The following KREMEN1 variants were observed in gnomAD, a reference collection of about 807,000 sequenced individuals.
The protein encoded by KREMEN1 is kringle containing transmembrane protein 1, also known as kremen protein 1.
A neutral mutation model predicts 46.5 loss-of-function variants in KREMEN1; 30 were observed. The ratio of observed to expected loss-of-function variants is 0.65; its 90% confidence interval spans 0.48 to 0.88. KREMEN1 has a LOEUF of 0.88. Ranked by LOEUF, KREMEN1 falls within the 40% of genes least tolerant of loss-of-function variation. The pLI is 0.00. For synonymous variants in KREMEN1, 214 were observed against 230.6 expected, an observed-to-expected ratio of 0.93 and a Z score of 0.65; for missense variants, 533 against 596.9, an observed-to-expected ratio of 0.89 and a Z score of 1.11.
intron 6 of KREMEN1, 75 bp from the exon 7 acceptor site, chr22:29,138,549 C>T (rs2038705529): frequency 7.1e-7 from 1 of 1,414,180 alleles, no homozygotes; most frequent in Admixed American, 1.7e-5. Flanking sequence ...TTCTTCATAA[C>T]TCGTGCTCTC....
intron 1 of KREMEN1, among the ~76,000 whole-genome samples, chr22:29,085,467 A>C (rs774391872): frequency 2.7e-4 from 41 of 152,292 alleles, no homozygotes; most frequent in Non-Finnish European, 5.0e-4. Flanking sequence ...TACACGTAGA[A>C]AAAAAAACAA....
downstream of KREMEN1, chr22:29,146,904 C>A: frequency 1.7e-6 from 1 of 571,978 alleles, no homozygotes; most frequent in Non-Finnish European, 2.2e-6. Flanking sequence ...GGGATTCCTG[C>A]CTCCCCTTGG....
chr22:29,089,943 A>G (rs980312481), intron 1 of KREMEN1, among the ~76,000 whole-genome samples: 1 of 152,150 alleles, frequency 6.6e-6, no homozygotes, highest in Non-Finnish European at 1.5e-5. Flanking sequence ...ACCCTAGGAG[A>G]GAACCCTCAC....
rs1370577760 is a variant in KREMEN1, at chr22:29,076,308, C to T, written c.97+3081C>T. On this transcript the variant is annotated intron_variant, in intron 1 of 8. Transcript: ENST00000400335. ...GCCCCACTAGCCAGTAGTGTGTTTG[C>T]CCTAAAACCTATGAGTTCAGTTAAC... 2.0e-5 allele frequency among the ~76,000 whole-genome samples: 3 copies of T among 152,280 alleles called. No individual in the cohort carries two copies. In the East Asian group the frequency reaches 5.8e-4, roughly 29 times the overall value.
downstream of KREMEN1, among the ~76,000 whole-genome samples, chr22:29,148,240 A>G (rs999911117): frequency 6.6e-6 from 1 of 152,160 alleles, no homozygotes; most frequent in Non-Finnish European, 1.5e-5. Context: ...GCCCCCCACA[A>G]GGAGCACAGG....
In KREMEN1 at chr22:29,138,724, C is replaced by G. The variant is rs1016322432; in HGVS notation, c.1065C>G (p.Ser355=). 6.2e-7 allele frequency: 1 copy of G among 1,614,234 alleles called. No individual in the cohort carries two copies. Among genetic ancestry groups the G allele is most frequent in the South Asian group, 1.1e-5 (1 of 91,088 alleles). ...ACCTCAGTGTCAGCGCTGCCCGGTC[C>G]TCCAAAGTCCTCTATGTCATCACCA... The part of the protein sequence containing the change: ...QANLSVSAAR[S]SKVLYVITTS... The change falls in exon 7 of 9, where the codon TCC becomes TCG. Residue 355 remains serine, a synonymous_variant. Coordinates refer to ENST00000400335, the MANE Select transcript of KREMEN1 (RefSeq NM_001039570.3).
chr22:29,110,080 G>T (rs2038121667), intron 3 of KREMEN1, among the ~76,000 whole-genome samples: 1 of 152,148 alleles, frequency 6.6e-6, no homozygotes, highest in African/African-American at 2.4e-5. Context: ...GCCATCCCCA[G>T]CCGCAGTGAC....
exon 10 of KREMEN1, chr22:29,167,231 T>C (rs974860280): frequency 2.5e-6 from 2 of 791,502 alleles, no homozygotes; most frequent in South Asian, 1.6e-5. Context: ...TGGTGGTTCA[T>C]GCCTGTAATA....
At position 29,078,899 on chromosome 22, in the gene KREMEN1, G is replaced by T. The variant is rs957683201; in HGVS notation, c.97+5672G>T. The stretch of plus-strand genomic sequence containing the variant: ...TCTGGCCGGCTCACTGGGCAGCCTT[G>T]TCATTGGTGAGAATGATGACTGACA... On this transcript the variant is annotated intron_variant, in intron 1 of 8. Coordinates refer to ENST00000400335, the MANE Select transcript of KREMEN1 (RefSeq NM_001039570.3). Among the ~76,000 whole-genome samples the T allele has an allele frequency of 4.6e-5, 7 of 152,240 alleles. 1 individual carries two copies. The highest frequency in any genetic ancestry group is 2.0e-4 in the Admixed American group (3 of 15,284).
chr22:29,122,190 G>A (rs1449037992), intron 4 of KREMEN1, among the ~76,000 whole-genome samples: 1 of 152,034 alleles, frequency 6.6e-6, no homozygotes, highest in African/African-American at 2.4e-5. Context: ...TACATAGATG[G>A]CCAATAAACA....
chr22:29,099,082 A>C, intron 3 of KREMEN1, 129 bp downstream of exon 3: 1 of 667,416 alleles, frequency 1.5e-6, no homozygotes. Flanking sequence ...AGGAGAAGCC[A>C]TCCTGGGCGA....
chr22:29,138,181 A>G (rs2038701281), intron 6 of KREMEN1, among the ~76,000 whole-genome samples: 1 of 152,262 alleles, frequency 6.6e-6, no homozygotes, highest in South Asian at 2.1e-4. Context: ...GGTGTTTGAG[A>G]CATTGTCTTT....
rs141440472 is a variant in KREMEN1 at position 29,076,418 on chromosome 22, G to A, written c.97+3191G>A. Among the ~76,000 whole-genome samples, 17 of 152,254 alleles carry A rather than the reference G, an allele frequency of 1.1e-4. No homozygotes were observed. In the South Asian group the frequency reaches 1.2e-3, roughly 11 times the overall value. On this transcript the variant is annotated intron_variant, in intron 1 of 8. Coordinates refer to ENST00000400335, the MANE Select transcript of KREMEN1 (RefSeq NM_001039570.3). Reference sequence around the variant, plus strand: ...ATAGAATTACCTGTAAGCGACATGGGGGCTGAAGCAGTGAAGGAGTGAAGG... The same window carrying A: ...ATAGAATTACCTGTAAGCGACATGGAGGCTGAAGCAGTGAAGGAGTGAAGG...
At position 29,166,381 on chromosome 22, in the gene KREMEN1, G is replaced by A. The variant is rs866178644; in HGVS notation, c.1417-663G>A. ...CCTGCTGGACAGCTGCCTTTCCGGG[G>A]GTCACTTCTGCTCCTCACATCTGCT... On this transcript the variant is annotated intron_variant, in intron 9 of 9. Coordinates refer to the KREMEN1 transcript ENST00000327813. Among the ~76,000 whole-genome samples, 8 of 152,162 alleles carry A rather than the reference G, an allele frequency of 5.3e-5. No individual in the cohort carries two copies. The South Asian group carries it at 8.3e-4, about 16-fold the overall frequency.
chr22:29,114,367 C>T (rs1381826177), intron 3 of KREMEN1, among the ~76,000 whole-genome samples: 8 of 151,600 alleles, frequency 5.3e-5, no homozygotes, highest in Non-Finnish European at 1.5e-5. Flanking sequence ...GCACCTGTAA[C>T]CCCAGCTACT....
chr22:29,086,677 G>A lies in KREMEN1; in HGVS notation c.98-7581G>A, dbSNP rs529507283. 4.7e-4 allele frequency among the ~76,000 whole-genome samples: 72 copies of A among 152,272 alleles called. 2 individuals carry two copies. In the South Asian group the frequency reaches 0.013, roughly 28 times the overall value. ...CTTCAAAGTGGTGCAAGTTCCCACC[G>A]GGCACCAGTCCGTATTTGAAACCCA... On this transcript the variant is annotated intron_variant, in intron 1 of 8. Transcript: ENST00000400335.
At chr22:29,139,425 G>C (rs1328658866) in intron 7 of KREMEN1, among the ~76,000 whole-genome samples, 1 of 151,742 alleles carries the variant, frequency 6.6e-6, no homozygotes, top group Non-Finnish European at 1.5e-5. Flanking sequence ...AACATAGGGA[G>C]ACCCTTTCTC....
rs960399567 is a variant in KREMEN1, at chr22:29,145,926, G to A, written c.*3814G>A. The A allele has an allele frequency of 1.0e-6, 1 of 985,786 alleles. No individual in the cohort carries two copies. The highest frequency in any genetic ancestry group is 1.7e-5 in the African/African-American group (1 of 57,226). 61.1% of individuals were successfully genotyped at this position (985,786 alleles called of 1,614,324 possible). A position where few individuals can be genotyped will look rare whatever the true frequency, so the allele number is the denominator to read the frequency against. On this transcript the variant is annotated 3_prime_UTR_variant, in exon 9 of 9. Coordinates refer to ENST00000400335, the MANE Select transcript of KREMEN1 (RefSeq NM_001039570.3). ...CCCACATGCCCCACTGTCAGCCCAG[G>A]CAGGAGCCTTCCTGGCCGGGCTCAG... is the stretch of plus-strand genomic sequence containing the variant.
At chr22:29,092,631 A>G (rs1476626242) in intron 1 of KREMEN1, among the ~76,000 whole-genome samples, 1 of 152,208 alleles carries the variant, frequency 6.6e-6, no homozygotes, top group African/African-American at 2.4e-5. Context: ...CTTATGGTAC[A>G]CGAAGAGTTG....
Sources: allele counts gnomAD v4.1 joint callset (sites outside exome capture counted in the v4.1 genomes callset), GRCh38; gene constraint gnomAD v4.1.1; transcripts MANE v1.5; gene names NCBI Gene and HGNC (gene_info 2026-07-23, HGNC 2026-07-21).